The following TKTL1 variants were observed in gnomAD, a reference collection of about 807,000 sequenced individuals.
The protein encoded by TKTL1 is transketolase-like protein 1.
TKTL1 carries 1 observed loss-of-function variant against 39.3 expected under a neutral mutation model. The observed-to-expected ratio is 0.03, with a 90% confidence interval of 0.01 to 0.12. The LOEUF (loss-of-function observed/expected upper bound fraction) is 0.12, where lower values mean the gene tolerates loss of function less well. Among genes scored for constraint, TKTL1 ranks in the 10% least tolerant of loss-of-function variants. The probability of loss-of-function intolerance (pLI) is 1.00; values close to 1 mark genes in which losing one functional copy is unlikely to be tolerated. For missense variants in TKTL1, 575 were observed against 509.6 expected (o/e 1.13, Z -1.24); for synonymous variants, 262 against 193.8 (o/e 1.35, Z -2.92).
chrX:154,309,283 G>A, intron 2 of TKTL1, 62 bp from the exon 3 acceptor site: 1 of 987,835 alleles, frequency 1.0e-6, no homozygotes, highest in Non-Finnish European at 1.4e-6. Context: ...CTCAGTGCGT[G>A]AGTCCACCTG....
intron 5 of TKTL1, 131 bp downstream of exon 5, chrX:154,311,369 T>C (rs1307680753): frequency 8.9e-6 from 8 of 902,608 alleles, no homozygotes; most frequent in African/African-American, 8.0e-5. Context: ...CTGGAGTATA[T>C]GTTGGAGGCT....
At chrX:154,302,674 G>A (rs2067282896) in intron 1 of TKTL1, among the ~76,000 whole-genome samples, 1 of 111,972 alleles carries the variant, frequency 8.9e-6, no homozygotes, top group African/African-American at 3.2e-5. Context: ...TCCCGTACCT[G>A]TGAATGTGAT....
chrX:154,328,222 G>A (rs1307525513), intron 12 of TKTL1, among the ~76,000 whole-genome samples: 4 of 110,679 alleles, frequency 3.6e-5, no homozygotes, highest in East Asian at 2.8e-4. Flanking sequence ...GAAAAGCATC[G>A]CAGTTTCTTT....
At chrX:154,323,375 C>T (rs782808074) in intron 9 of TKTL1, 38 bp downstream of exon 9, 12 of 1,194,743 alleles carry the variant, frequency 1.0e-5, no homozygotes, top group South Asian at 1.8e-5. Flanking sequence ...ACAGAAAATG[C>T]TTCTGGACTC....
intron 1 of TKTL1, among the ~76,000 whole-genome samples, chrX:154,297,640 C>T (rs1237474964): frequency 1.8e-5 from 2 of 111,362 alleles, no homozygotes; most frequent in Non-Finnish European, 3.8e-5. Flanking sequence ...AGTGTTCCAC[C>T]TTAAATTTTT....
intron 12 of TKTL1, 103 bp downstream of exon 12, chrX:154,328,061 C>G: frequency 9.9e-7 from 1 of 1,014,349 alleles, no homozygotes; most frequent in Middle Eastern, 3.2e-4. Flanking sequence ...CTACCTCTCA[C>G]CCAGCATGGC....
rs2067503034 is a variant in TKTL1, at chrX:154,327,649, A to T, written c.1460A>T (p.Tyr487Phe). ...VTVIGAGITV[Y>F]EALAAADELS... is the part of the protein sequence containing the mutation. ...GTTATTGGAGCTGGAATTACTGTGTATGAAGCCTTAGCAGCTGCTGATGAG... is the reference window on the plus strand; with the variant it reads ...GTTATTGGAGCTGGAATTACTGTGTTTGAAGCCTTAGCAGCTGCTGATGAG... The change falls in exon 11 of 13, where the codon TAT becomes TTT. Residue 487 changes from tyrosine to phenylalanine, a missense_variant. Physicochemically the swap from Tyr to Phe is conservative, Grantham distance 22. Transcript: ENST00000369915. 8.3e-7 allele frequency: 1 copy of T among 1,209,636 alleles called. No homozygotes were observed.
chrX:154,306,103 C>G (rs1372614465), intron 2 of TKTL1, among the ~76,000 whole-genome samples: 3 of 108,782 alleles, frequency 2.8e-5, no homozygotes, highest in African/African-American at 1.0e-4. Context: ...GGCCAGGAGT[C>G]CGAGACCAGC....
Position 154,327,697 on chromosome X carries a change from TTGAG to T in TKTL1, c.1498+12_1498+15del. On this transcript the variant is annotated intron_variant, in intron 11 of 12. Transcript: ENST00000369915. ...GAGCTTTCGAAACAAGGTCAGTTGG[TTGAG>T]TATGAGCATTGAAGTTCAAGCTGGG... 1 of 1,207,301 alleles carries T rather than the reference TTGAG, an allele frequency of 8.3e-7. No individual in the cohort carries two copies. The highest frequency in any genetic ancestry group is 1.1e-6 in the Non-Finnish European group (1 of 891,466).
At position 154,312,771 on chromosome X, in the gene TKTL1, A is replaced by C. The variant is rs782494853; in HGVS notation, c.862A>C (p.Lys288Gln). The C allele has an allele frequency of 8.3e-7, 1 of 1,199,331 alleles. No individual in the cohort carries two copies. The highest frequency in any genetic ancestry group is 1.1e-6 in the Non-Finnish European group (1 of 888,216). Residue 288 changes from lysine to glutamine, a missense_variant and splice_region_variant, in exon 6 of 13, where the codon AAG (lysine) becomes CAG (glutamine). Coordinates refer to ENST00000369915, the MANE Select transcript of TKTL1 (RefSeq NM_012253.4). Reference protein sequence around the residue: ...TSPPDYRVGDKIATRKACGLA... With the variant: ...TSPPDYRVGDQIATRKACGLA... ...TCCACCTGATTACAGAGTTGGTGACAAGGTAGGCAGAAAGGTGGATAATTG... is the reference window on the plus strand; with the variant it reads ...TCCACCTGATTACAGAGTTGGTGACCAGGTAGGCAGAAAGGTGGATAATTG...
At chrX:154,296,720 A>G (rs1557164666) in intron 1 of TKTL1, among the ~76,000 whole-genome samples, 1 of 111,474 alleles carries the variant, frequency 9.0e-6, no homozygotes, top group African/African-American at 3.3e-5. Flanking sequence ...TCCATCTTAA[A>G]TTTTTTGGAG....
chrX:154,329,068 C>T (rs2067517282), intron 12 of TKTL1, among the ~76,000 whole-genome samples: 1 of 112,228 alleles, frequency 8.9e-6, no homozygotes, highest in Non-Finnish European at 1.9e-5. Flanking sequence ...ATCCCTGGCT[C>T]CCAGCAGGAA....
intron 8 of TKTL1, among the ~76,000 whole-genome samples, chrX:154,322,766 G>A (rs782291751): frequency 2.7e-4 from 30 of 111,539 alleles, no homozygotes; most frequent in African/African-American, 9.4e-4. Context: ...TAACTACTTG[G>A]AAGGCCTGGA....
intron 7 of TKTL1, chrX:154,320,531 A>T (rs1355278394): frequency 2.4e-6 from 1 of 408,210 alleles, no homozygotes; most frequent in Non-Finnish European, 4.3e-6. Flanking sequence ...CAGGCAAGAG[A>T]GTCTCATCTC....
intron 7 of TKTL1, among the ~76,000 whole-genome samples, chrX:154,318,926 C>T (rs1439676504): frequency 9.0e-6 from 1 of 110,926 alleles, no homozygotes; most frequent in African/African-American, 3.3e-5. Context: ...TTCTCTGCAA[C>T]AAAAATATGC....
At chrX:154,314,408 A>T (rs2067381583) in intron 6 of TKTL1, among the ~76,000 whole-genome samples, 1 of 111,942 alleles carries the variant, frequency 8.9e-6, no homozygotes, top group Non-Finnish European at 1.9e-5. Context: ...TCAAATTAGT[A>T]ATGCAGATGA....
chrX:154,309,634 C>T (rs1405455650), intron 3 of TKTL1, among the ~76,000 whole-genome samples, 192 bp downstream of exon 3: 1 of 111,422 alleles, frequency 9.0e-6, no homozygotes. Context: ...CCCACTTTCT[C>T]TCCCACAGGT....
chrX:154,320,618 A>G (rs969507469), intron 7 of TKTL1, 139 bp from the exon 8 acceptor site: 13 of 619,781 alleles, frequency 2.1e-5, no homozygotes, highest in South Asian at 1.9e-4. Flanking sequence ...TTGAGGAAAG[A>G]GGGGTGTGGG....
In TKTL1 at chrX:154,315,157, T is replaced by C. The variant is rs1557169084; in HGVS notation, c.865-16T>C. On this transcript the variant is annotated splice_polypyrimidine_tract_variant and intron_variant, in intron 6 of 12. Coordinates refer to ENST00000369915, the MANE Select transcript of TKTL1 (RefSeq NM_012253.4). Reference sequence around the variant, plus strand: ...ATTTGAAGAAACTCTACCACCTGATTGTCTCTGTCTTCTAGATAGCTACTC... The same window carrying C: ...ATTTGAAGAAACTCTACCACCTGATCGTCTCTGTCTTCTAGATAGCTACTC... 2 of 1,203,488 alleles carry C rather than the reference T, an allele frequency of 1.7e-6. No individual in the cohort carries two copies. Among genetic ancestry groups the C allele is most frequent in the South Asian group, 1.8e-5 (1 of 55,921 alleles).
Sources: gnomAD v4.1 joint callset for allele counts (sites outside exome capture counted in the v4.1 genomes callset) on GRCh38, gnomAD v4.1.1 for gene constraint, MANE v1.5 for transcripts, NCBI Gene and HGNC (gene_info 2026-07-23, HGNC 2026-07-21) for gene names.